SUPT3H: variants seen among roughly 807,000 people sequenced by gnomAD.
SUPT3H encodes transcription initiation protein SPT3 homolog.
In SUPT3H, 44 loss-of-function variants were observed where a neutral mutation model predicts 44.3. The observed-to-expected ratio is 0.99, with a 90% CI of 0.78 to 1.28. The LOEUF is 1.28. Among genes scored for constraint, SUPT3H ranks in the 50% most tolerant of loss-of-function variants. The pLI is 0.00. For synonymous variants in SUPT3H, 124 were observed against 125.6 expected, an observed-to-expected ratio of 0.99 and a Z score of 0.09; for missense variants, 380 against 387.1, an observed-to-expected ratio of 0.98 and a Z score of 0.15.
intron 11 of SUPT3H, among the ~76,000 whole-genome samples, chr6:44,818,745 A>G (rs932988991): frequency 4.6e-5 from 7 of 152,212 alleles, no homozygotes; most frequent in Non-Finnish European, 1.5e-5. Flanking sequence ...AGCCACAATG[A>G]GATATCACTA....
chr6:45,230,282 T>C (rs184108986), intron 2 of SUPT3H, among the ~76,000 whole-genome samples: 35 of 152,296 alleles, frequency 2.3e-4, no homozygotes, highest in Admixed American at 1.8e-3. Flanking sequence ...CGTTTCTTTA[T>C]AGATTCTCTG....
intron 2 of SUPT3H, among the ~76,000 whole-genome samples, chr6:45,223,765 A>T (rs1351132582): frequency 6.6e-6 from 1 of 151,770 alleles, no homozygotes; most frequent in East Asian, 1.9e-4. Flanking sequence ...TAATTATCAC[A>T]TCATGATGTA....
chr6:44,884,779 A>G (rs970015777), intron 10 of SUPT3H, among the ~76,000 whole-genome samples: 6 of 152,180 alleles, frequency 3.9e-5, no homozygotes, highest in African/African-American at 1.4e-4. Flanking sequence ...CAGTGGGTGC[A>G]GCACACTGTG....
chr6:44,872,631 C>G (rs1158164456), intron 10 of SUPT3H, among the ~76,000 whole-genome samples: 1 of 143,178 alleles, frequency 7.0e-6, no homozygotes, highest in Non-Finnish European at 1.5e-5. Flanking sequence ...ATGACAGGAT[C>G]AAATTCAAAC....
rs1324890007 is a variant in SUPT3H, at chr6:44,982,195, TTTG to T, written c.505-20370_505-20368del. On this transcript the variant is annotated intron_variant, in intron 6 of 10. Transcript: ENST00000371459. ...TGCAATGATTCTTTTTGTTTGTTTG[TTTG>T]TTTGTTTGAGACAGTCTCACTCTGT... Among the ~76,000 whole-genome samples, 211 of 152,274 alleles carry T rather than the reference TTTG, an allele frequency of 1.4e-3. 3 individuals are homozygous for T. The East Asian group carries it at 0.04, about 29-fold the overall frequency.
intron 2 of SUPT3H, among the ~76,000 whole-genome samples, chr6:45,286,442 G>A (rs1462311283): frequency 2.0e-5 from 3 of 152,130 alleles, no homozygotes; most frequent in Non-Finnish European, 4.4e-5. Context: ...GATATGAACA[G>A]ACACTTCTCA....
chr6:44,994,332 A>G (rs1780988981), intron 6 of SUPT3H, among the ~76,000 whole-genome samples: 1 of 152,126 alleles, frequency 6.6e-6, no homozygotes, highest in Non-Finnish European at 1.5e-5. Context: ...AAAGATTTGC[A>G]TTCATTTTTA....
chr6:44,925,238 A>C (rs572190739), intron 10 of SUPT3H, among the ~76,000 whole-genome samples: 1 of 152,306 alleles, frequency 6.6e-6, no homozygotes, highest in East Asian at 1.9e-4. Flanking sequence ...TAGTTCTGTC[A>C]TGCACTTGCA....
chr6:45,209,336 G>C (rs1763718020), intron 2 of SUPT3H, among the ~76,000 whole-genome samples: 1 of 152,140 alleles, frequency 6.6e-6, no homozygotes, highest in South Asian at 2.1e-4. Flanking sequence ...AAACCCTCTG[G>C]AAAGGAGTCA....
chr6:45,186,396 A>G (rs1322241031), intron 2 of SUPT3H, among the ~76,000 whole-genome samples: 1 of 152,158 alleles, frequency 6.6e-6, no homozygotes, highest in Non-Finnish European at 1.5e-5. Flanking sequence ...ATTTCAAAAA[A>G]CCTTCAAAAA....
chr6:45,149,752 C>CA (rs1250235128), intron 2 of SUPT3H, among the ~76,000 whole-genome samples: 5 of 151,960 alleles, frequency 3.3e-5, no homozygotes, highest in African/African-American at 7.2e-5. Flanking sequence ...ACAATCTGGA[C>CA]AAAAAAACTT....
At chr6:44,994,631 T>C (rs1338199417) in intron 6 of SUPT3H, among the ~76,000 whole-genome samples, 1 of 152,098 alleles carries the variant, frequency 6.6e-6, no homozygotes, top group Non-Finnish European at 1.5e-5. Context: ...TGGGGAGATG[T>C]TGTGACCCAA....
At chr6:45,103,851 A>G (rs1798918386) in intron 3 of SUPT3H, among the ~76,000 whole-genome samples, 2 of 152,196 alleles carry the variant, frequency 1.3e-5, no homozygotes, top group South Asian at 2.1e-4. Flanking sequence ...AAAAAACTAC[A>G]TGTTACATAC....
intron 2 of SUPT3H, among the ~76,000 whole-genome samples, chr6:45,174,486 T>C (rs1269443266): frequency 6.6e-6 from 1 of 152,136 alleles, no homozygotes; most frequent in Non-Finnish European, 1.5e-5. Context: ...ATACAGACCA[T>C]GCGGCAGGTT....
rs138999098 is a variant in SUPT3H, at chr6:45,013,123, T to C, written c.364+1678A>G. On this transcript the variant is annotated intron_variant, in intron 5 of 10. Coordinates refer to ENST00000371459, the MANE Select transcript of SUPT3H (RefSeq NM_003599.4). ...CTTGGGCATAAATTGCTCCAGAGAT[T>C]GATTGATCTAAATAATGTTGGGCCC... is the stretch of plus-strand genomic sequence containing the variant. Among the ~76,000 whole-genome samples the C allele has an allele frequency of 5.0e-3, 761 of 152,218 alleles. 28 individuals carry two copies. Among genetic ancestry groups the C allele is most frequent in the East Asian group, 4.8e-3 (25 of 5,174 alleles).
chr6:45,216,171 A>C (rs1339705255), intron 2 of SUPT3H, among the ~76,000 whole-genome samples: 2 of 151,892 alleles, frequency 1.3e-5, no homozygotes, highest in Non-Finnish European at 2.9e-5. Context: ...ACTTACAAGA[A>C]ATGCTTAAGG....
chr6:45,344,709 G>T lies in SUPT3H; in HGVS notation c.101+20492C>A, dbSNP rs1790495380. On this transcript the variant is annotated intron_variant, in intron 2 of 10. Coordinates refer to ENST00000371459, the MANE Select transcript of SUPT3H (RefSeq NM_003599.4). The stretch of plus-strand genomic sequence containing the variant: ...AAACTAGCTCTTCATGGTTGGCTAG[G>T]AAAGCCTAGAGAAAAAAAATCCTAA... 2.0e-5 allele frequency among the ~76,000 whole-genome samples: 3 copies of T among 151,996 alleles called. No homozygotes were observed. In the South Asian group the frequency reaches 6.2e-4, roughly 32 times the overall value.
chr6:44,881,583 A>G (rs1372087551), intron 10 of SUPT3H, among the ~76,000 whole-genome samples: 1 of 152,352 alleles, frequency 6.6e-6, no homozygotes, highest in East Asian at 1.9e-4. Flanking sequence ...AACAGAATAT[A>G]CATTCTTCTC....
intron 6 of SUPT3H, among the ~76,000 whole-genome samples, chr6:45,002,634 A>T (rs1314479025): frequency 6.6e-6 from 1 of 152,096 alleles, no homozygotes; most frequent in East Asian, 1.9e-4. Flanking sequence ...TTTTGGCCCA[A>T]GGCAAAGTTG....
Sources: allele counts gnomAD v4.1 joint callset (sites outside exome capture counted in the v4.1 genomes callset), GRCh38; gene constraint gnomAD v4.1.1; transcripts MANE v1.5; gene names NCBI Gene and HGNC (gene_info 2026-07-23, HGNC 2026-07-21).